Variants in DENND1B observed in about 807,000 individuals in gnomAD.
DENND1B encodes DENN domain-containing protein 1B.
A neutral mutation model predicts 90.1 loss-of-function variants in DENND1B; 59 were observed. The ratio of observed to expected loss-of-function variants is 0.65; its 90% CI spans 0.53 to 0.81. The LOEUF is 0.81. Among genes scored for constraint, DENND1B ranks in the 40% least tolerant of loss-of-function variants. The pLI is 0.00. For synonymous variants in DENND1B, 337 were observed against 324.6 expected, an observed-to-expected ratio of 1.04 and a Z score of -0.41; for missense variants, 862 against 912.6, an observed-to-expected ratio of 0.94 and a Z score of 0.71.
At chr1:197,717,400 CTG>C (rs1374923147) in intron 2 of DENND1B, among the ~76,000 whole-genome samples, 1 of 151,858 alleles carries the variant, frequency 6.6e-6, no homozygotes, top group Non-Finnish European at 1.5e-5. Context: ...CTGATATACA[CTG>C]TGTTTCTCTT....
chr1:197,573,033 T>C (rs1362582178), intron 15 of DENND1B, among the ~76,000 whole-genome samples: 4 of 152,138 alleles, frequency 2.6e-5, no homozygotes, highest in Non-Finnish European at 5.9e-5. Flanking sequence ...TCTCTCTTTT[T>C]TTCTTTATTA....
rs1180575687 is a variant in DENND1B, at chr1:197,709,751, A to C, written c.126+5280T>G. Among the ~76,000 whole-genome samples, 750 of 108,360 alleles carry C rather than the reference A, an allele frequency of 6.9e-3. 20 individuals carry two copies. The highest frequency in any genetic ancestry group is 0.022 in the African/African-American group (532 of 24,388). The allele number at this position is 108,360 out of a possible 152,430, so 71.1% of individuals were successfully genotyped here. A position where few individuals can be genotyped will look rare whatever the true frequency, so the allele number is the denominator to read the frequency against. ...CAATATTAACTTTAAATATAAATGGACTAAATTCTGCAATTAAAAGACACA... is the reference window on the plus strand; with the variant it reads ...CAATATTAACTTTAAATATAAATGGCCTAAATTCTGCAATTAAAAGACACA... On this transcript the variant is annotated intron_variant, in intron 3 of 22. Coordinates refer to ENST00000620048, the MANE Select transcript of DENND1B (RefSeq NM_001195215.2).
chr1:197,690,724 T>G (rs1012449496), intron 3 of DENND1B: 1 of 153,450 alleles, frequency 6.5e-6, no homozygotes, highest in Non-Finnish European at 1.5e-5. Flanking sequence ...ATTTTAAGTT[T>G]AATAGTAAAA....
chr1:197,713,736 A>G (rs1311724785), intron 3 of DENND1B, among the ~76,000 whole-genome samples: 911 of 31,046 alleles, frequency 0.029, 10 homozygotes, highest in East Asian at 0.2. Flanking sequence ...GAGTATAATA[A>G]AAAAAAAAAA....
chr1:197,512,997 A>G (rs1432504730), intron 20 of DENND1B, 44 bp from the exon 21 acceptor site: 2 of 1,531,732 alleles, frequency 1.3e-6, no homozygotes, highest in Admixed American at 4.0e-5. Context: ...GCAGTTTAAA[A>G]TAAGTCTCTT....
chr1:197,529,270 A>G (rs5003646), intron 20 of DENND1B, among the ~76,000 whole-genome samples: 533 of 4,976 alleles, frequency 0.11, 11 homozygotes, highest in African/African-American at 0.17. Context: ...GTGTGTGTGT[A>G]TATGTATATA....
At position 197,510,753 on chromosome 1, in the gene DENND1B, C is replaced by G; in HGVS notation, c.2035G>C (p.Asp679His). 4 of 1,612,656 alleles carry G rather than the reference C, an allele frequency of 2.5e-6. No individual in the cohort carries two copies. Among genetic ancestry groups the G allele is most frequent in the Non-Finnish European group, 2.5e-6 (3 of 1,179,194 alleles). ...TGGAAATCCAGTCCTGAAGTAGGGTCACTCACATTGTCAGCACCGAGGTGC... is the reference window on the plus strand; with the variant it reads ...TGGAAATCCAGTCCTGAAGTAGGGTGACTCACATTGTCAGCACCGAGGTGC... ...NKHLGADNVS[D>H]PTSGLDFQLT... Residue 679 changes from aspartate to histidine, a missense_variant, in exon 23 of 23, where the codon GAC (aspartate) becomes CAC (histidine). Asp to His is a moderately conservative substitution (Grantham distance 81, BLOSUM62 -1). Coordinates refer to ENST00000620048, the MANE Select transcript of DENND1B (RefSeq NM_001195215.2).
chr1:197,736,143 C>T (rs539001154), intron 2 of DENND1B: 351 of 583,474 alleles, frequency 6.0e-4, no homozygotes, highest in South Asian at 1.7e-3. Context: ...AAATATTGGA[C>T]TTAAAAAAAA....
chr1:197,693,352 C>A (rs772995216), intron 3 of DENND1B, among the ~76,000 whole-genome samples: 3 of 151,628 alleles, frequency 2.0e-5, no homozygotes, highest in South Asian at 2.1e-4. Context: ...ATAAAACATT[C>A]ACCATCACAG....
intron 2 of DENND1B, among the ~76,000 whole-genome samples, chr1:197,721,936 T>A (rs1661220191): frequency 6.6e-6 from 1 of 152,182 alleles, no homozygotes; most frequent in Non-Finnish European, 1.5e-5. Context: ...GGACTATAGT[T>A]ATGTGTACAC....
intron 2 of DENND1B, among the ~76,000 whole-genome samples, chr1:197,772,556 C>A (rs1571704162): frequency 6.6e-6 from 1 of 152,216 alleles, no homozygotes; most frequent in East Asian, 1.9e-4. Context: ...GGCACAGTGG[C>A]TCACGCCTGT....
chr1:197,612,910 A>G (rs563156148), intron 11 of DENND1B, among the ~76,000 whole-genome samples: 1 of 150,848 alleles, frequency 6.6e-6, no homozygotes, highest in Non-Finnish European at 1.5e-5. Flanking sequence ...ATTCAACTTG[A>G]CATTTCAAAC....
chr1:197,767,381 A>G (rs1655828198), intron 2 of DENND1B, among the ~76,000 whole-genome samples: 1 of 152,128 alleles, frequency 6.6e-6, no homozygotes, highest in South Asian at 2.1e-4. Context: ...GTTTAGAGAT[A>G]CCTTTCTTGT....
intron 10 of DENND1B, 105 bp downstream of exon 10, chr1:197,642,605 AT>A: frequency 1.5e-6 from 1 of 677,274 alleles, no homozygotes; most frequent in Non-Finnish European, 2.4e-6. Context: ...GTATGTAGAT[AT>A]TGTCTTATAA....
chr1:197,733,148 A>ATAATGGAGC lies in DENND1B; in HGVS notation c.83-18083_83-18075dup, dbSNP rs144935734. 8.7e-3 allele frequency among the ~76,000 whole-genome samples: 1,333 copies of ATAATGGAGC among 152,344 alleles called. 15 individuals carry two copies. The highest frequency in any genetic ancestry group is 0.031 in the African/African-American group (1,286 of 41,582). ...AATATTCAGAACTTGACAGAAGTCT[A>ATAATGGAGC]TAATGGAGCTTTTTAGGAAAAAGAG... On this transcript the variant is annotated intron_variant, in intron 2 of 22. Transcript: ENST00000620048.
At chr1:197,548,703 T>C (rs1367193022) in intron 16 of DENND1B, among the ~76,000 whole-genome samples, 1 of 152,136 alleles carries the variant, frequency 6.6e-6, no homozygotes, top group Non-Finnish European at 1.5e-5. Context: ...AAATAAAATA[T>C]GATTAAAACT....
intron 10 of DENND1B, among the ~76,000 whole-genome samples, chr1:197,634,412 G>A (rs1227872833): frequency 6.6e-6 from 1 of 152,074 alleles, no homozygotes; most frequent in Non-Finnish European, 1.5e-5. Flanking sequence ...CTTAAATGAG[G>A]AACGATTCAA....
intron 3 of DENND1B, among the ~76,000 whole-genome samples, chr1:197,696,213 A>T (rs566273531): frequency 4.7e-4 from 72 of 151,606 alleles, no homozygotes; most frequent in Non-Finnish European, 7.6e-4. Context: ...GGTAAAATTT[A>T]AAATTCTCTG....
chr1:197,600,701 C>A (rs1332832014), intron 13 of DENND1B, among the ~76,000 whole-genome samples: 2 of 151,590 alleles, frequency 1.3e-5, no homozygotes, highest in Non-Finnish European at 2.9e-5. Context: ...GGATAATAAA[C>A]AGTATAAAGG....
Sources: allele counts gnomAD v4.1 joint callset (sites outside exome capture counted in the v4.1 genomes callset), GRCh38; gene constraint gnomAD v4.1.1; transcripts MANE v1.5; gene names NCBI Gene and HGNC (gene_info 2026-07-23, HGNC 2026-07-21).